CDK6: variants seen among roughly 807,000 people sequenced by gnomAD.
CDK6 encodes cyclin dependent kinase 6, also known as cyclin-dependent kinase 6.
CDK6 carries 6 observed loss-of-function variants against 37.1 expected under a neutral mutation model. That is an observed-to-expected ratio of 0.16 (90% CI 0.09 to 0.32). The LOEUF (loss-of-function observed/expected upper bound fraction) is 0.32, where lower values mean the gene tolerates loss of function less well. Among genes scored for constraint, CDK6 ranks in the 10% least tolerant of loss-of-function variants. The pLI, the probability that CDK6 is intolerant of heterozygous loss-of-function variation, is 1.00. For synonymous variants in CDK6, 160 were observed against 161.3 expected (o/e 0.99, Z 0.06); for missense variants, 224 against 418.9 (o/e 0.53, Z 4.06).
chr7:92,832,177 CCAAA>C (rs750335703), intron 2 of CDK6, among the ~76,000 whole-genome samples: 90 of 152,146 alleles, frequency 5.9e-4, no homozygotes, highest in Non-Finnish European at 9.6e-4. Flanking sequence ...GATGACACAA[CCAAA>C]CAATGTCAAC....
chr7:92,751,750 A>G (rs999009848), intron 3 of CDK6, among the ~76,000 whole-genome samples: 1 of 152,184 alleles, frequency 6.6e-6, no homozygotes, highest in African/African-American at 2.4e-5. Flanking sequence ...AATGGCCAAA[A>G]TCTAATGAAA....
At chr7:92,770,232 T>C (rs912597302) in intron 3 of CDK6, among the ~76,000 whole-genome samples, 4 of 151,446 alleles carry the variant, frequency 2.6e-5, no homozygotes, top group African/African-American at 9.7e-5. Context: ...CAACCAAGAA[T>C]GGATGCACCT....
chr7:92,808,983 G>C (rs951048217), intron 2 of CDK6, among the ~76,000 whole-genome samples: 5 of 152,058 alleles, frequency 3.3e-5, no homozygotes, highest in African/African-American at 1.2e-4. Flanking sequence ...CTATTTAGAG[G>C]CCTCTGTAAA....
intron 2 of CDK6, among the ~76,000 whole-genome samples, chr7:92,802,029 C>T (rs1800592262): frequency 7.0e-6 from 1 of 143,026 alleles, no homozygotes; most frequent in South Asian, 2.4e-4. Context: ...CCTTTCCTCA[C>T]TTTCTTATTT....
chr7:92,687,777 A>ACCAT, intron 4 of CDK6, among the ~76,000 whole-genome samples: 1 of 152,304 alleles, frequency 6.6e-6, no homozygotes, highest in East Asian at 1.9e-4. Flanking sequence ...TACTTACATC[A>ACCAT]CCATCACCAC....
chr7:92,635,833 T>C (rs1445963396), intron 5 of CDK6, among the ~76,000 whole-genome samples: 1 of 152,122 alleles, frequency 6.6e-6, no homozygotes, highest in African/African-American at 2.4e-5. Context: ...ATGATGAAGT[T>C]AGGAAAATGA....
At chr7:92,726,271 T>C (rs1361770090) in intron 3 of CDK6, among the ~76,000 whole-genome samples, 3 of 152,172 alleles carry the variant, frequency 2.0e-5, no homozygotes, top group African/African-American at 4.8e-5. Context: ...TTCTAAGCAT[T>C]GTCCACTTAG....
intron 3 of CDK6, among the ~76,000 whole-genome samples, chr7:92,739,558 A>T (rs1442430342): frequency 6.6e-6 from 1 of 152,216 alleles, no homozygotes; most frequent in East Asian, 1.9e-4. Context: ...TCCCAAACAC[A>T]TATCTAACAA....
At chr7:92,627,193 G>A (rs565813963) in intron 5 of CDK6, among the ~76,000 whole-genome samples, 1 of 152,054 alleles carries the variant, frequency 6.6e-6, no homozygotes, top group East Asian at 1.9e-4. Context: ...CTCAGTAAAA[G>A]AAGCCAGTCA....
rs1186252947 is a variant in CDK6 at position 92,610,429 on chromosome 7, C to T, written c.*4711G>A. The T allele has an allele frequency of 4.3e-6, 1 of 231,230 alleles. No individual in the cohort carries two copies. Among genetic ancestry groups the T allele is most frequent in the East Asian group, 6.2e-5 (1 of 16,250 alleles). 14.3% of individuals were successfully genotyped at this position (231,230 alleles called of 1,614,324 possible). On this transcript the variant is annotated 3_prime_UTR_variant, in exon 8 of 8. Transcript: ENST00000424848. Reference sequence around the variant, plus strand: ...AAGAAAATAAAAATCCCCAGAAAGGCTACTTGAGAAAAAAACGTGTAAAAA... The same window carrying T: ...AAGAAAATAAAAATCCCCAGAAAGGTTACTTGAGAAAAAAACGTGTAAAAA...
chr7:92,792,684 G>C (rs1800314135), intron 2 of CDK6, among the ~76,000 whole-genome samples: 1 of 151,848 alleles, frequency 6.6e-6, no homozygotes, highest in African/African-American at 2.4e-5. Context: ...GTAGATGATA[G>C]TACTATTTCC....
chr7:92,679,612 A>C (rs1206616057), intron 4 of CDK6, among the ~76,000 whole-genome samples: 1 of 152,224 alleles, frequency 6.6e-6, no homozygotes, highest in Non-Finnish European at 1.5e-5. Context: ...GAGCAATATA[A>C]AACTTTCTAA....
chr7:92,701,373 G>C (rs991971760), intron 4 of CDK6, among the ~76,000 whole-genome samples: 1 of 151,912 alleles, frequency 6.6e-6, no homozygotes, highest in Non-Finnish European at 1.5e-5. Flanking sequence ...CATTAACAGG[G>C]GCAATCTCTG....
chr7:92,796,092 A>G (rs1421707446), intron 2 of CDK6, among the ~76,000 whole-genome samples: 6 of 132,916 alleles, frequency 4.5e-5, no homozygotes, highest in African/African-American at 1.3e-4. Flanking sequence ...AACTTGGAGA[A>G]AAAAAAAAAA....
chr7:92,698,738 C>T (rs188538348), intron 4 of CDK6, among the ~76,000 whole-genome samples: 66 of 152,304 alleles, frequency 4.3e-4, no homozygotes, highest in African/African-American at 1.3e-3. Context: ...GAGTCTGTCA[C>T]GCACAATCAC....
intron 3 of CDK6, among the ~76,000 whole-genome samples, chr7:92,761,008 C>T (rs1799441841): frequency 6.6e-6 from 1 of 152,008 alleles, no homozygotes. Context: ...TGTTCATGTT[C>T]TTATCCATAT....
chr7:92,723,438 G>C (rs543025579), intron 4 of CDK6, among the ~76,000 whole-genome samples: 2 of 152,228 alleles, frequency 1.3e-5, no homozygotes, highest in South Asian at 4.2e-4. Flanking sequence ...CCAGGAAGAG[G>C]AGTGTAGTCT....
intron 4 of CDK6, among the ~76,000 whole-genome samples, chr7:92,709,972 C>G (rs915334395): frequency 5.3e-5 from 8 of 152,180 alleles, no homozygotes. Context: ...GAAAAATGCA[C>G]TGTGCTTTAT....
intron 4 of CDK6, among the ~76,000 whole-genome samples, chr7:92,706,764 T>C (rs1324360791): frequency 6.6e-6 from 1 of 152,228 alleles, no homozygotes; most frequent in African/African-American, 2.4e-5. Context: ...ATACTGCCTA[T>C]ACAGTCCATT....
Sources: gnomAD v4.1 joint callset for allele counts (sites outside exome capture counted in the v4.1 genomes callset) on GRCh38, gnomAD v4.1.1 for gene constraint, MANE v1.5 for transcripts, NCBI Gene and HGNC (gene_info 2026-07-23, HGNC 2026-07-21) for gene names.